NXPH1: variants seen among roughly 807,000 people sequenced by gnomAD.
NXPH1 encodes neurexophilin 1.
Under a neutral mutation model 23.7 loss-of-function variants are expected in NXPH1, and 5 were observed. That is an observed-to-expected ratio of 0.21 (90% confidence interval 0.11 to 0.44). The LOEUF (loss-of-function observed/expected upper bound fraction) is 0.44. Ranked by LOEUF, NXPH1 falls within the 20% of genes least tolerant of loss-of-function variation. NXPH1 has a pLI of 0.99. For synonymous variants in NXPH1, 144 were observed against 122.2 expected (o/e 1.18, Z -1.18); for missense variants, 324 against 321.6 (o/e 1.01, Z -0.06).
At chr7:8,545,416 A>T (rs1419559467) in intron 2 of NXPH1, among the ~76,000 whole-genome samples, 1 of 151,546 alleles carries the variant, frequency 6.6e-6, no homozygotes, top group Admixed American at 6.6e-5. Context: ...AGTATTAGAA[A>T]AATGCCTCAA....
chr7:8,580,969 T>TC (rs1271055674), intron 2 of NXPH1, among the ~76,000 whole-genome samples: 4 of 152,136 alleles, frequency 2.6e-5, no homozygotes, highest in African/African-American at 9.7e-5. Context: ...CTCTAGTGTT[T>TC]CTGAATGAGT....
At chr7:8,552,301 G>C (rs142254102) in intron 2 of NXPH1, among the ~76,000 whole-genome samples, 1 of 151,408 alleles carries the variant, frequency 6.6e-6, no homozygotes, top group African/African-American at 2.4e-5. Flanking sequence ...AAAAATTATA[G>C]AGGCCTGATG....
intron 2 of NXPH1, among the ~76,000 whole-genome samples, chr7:8,750,446 C>T (rs1051426972): frequency 5.3e-5 from 8 of 152,152 alleles, no homozygotes; most frequent in Non-Finnish European, 7.4e-5. Context: ...TCCCTCCCCT[C>T]ACCTCTCCAC....
chr7:8,484,896 T>C (rs1817132521), intron 2 of NXPH1, among the ~76,000 whole-genome samples: 1 of 152,212 alleles, frequency 6.6e-6, no homozygotes, highest in Non-Finnish European at 1.5e-5. Context: ...TTGCAAAATA[T>C]GTAAGCTTCT....
At chr7:8,716,380 G>A (rs1254919756) in intron 2 of NXPH1, among the ~76,000 whole-genome samples, 1 of 152,144 alleles carries the variant, frequency 6.6e-6, no homozygotes, top group Non-Finnish European at 1.5e-5. Context: ...TGGACCATGG[G>A]ATTAGGATTA....
At chr7:8,646,613 A>C (rs1820403438) in intron 2 of NXPH1, among the ~76,000 whole-genome samples, 1 of 152,016 alleles carries the variant, frequency 6.6e-6, no homozygotes, top group Non-Finnish European at 1.5e-5. Flanking sequence ...ATTCTCTTCT[A>C]TTCCTAGTTT....
At chr7:8,449,834 C>CT (rs1325074601) in intron 2 of NXPH1, among the ~76,000 whole-genome samples, 6 of 152,328 alleles carry the variant, frequency 3.9e-5, no homozygotes, top group African/African-American at 1.4e-4. Context: ...GCTGTTGGCA[C>CT]TACTGTAGTT....
chr7:8,685,831 A>T (rs1174849089), intron 2 of NXPH1, among the ~76,000 whole-genome samples: 1 of 151,852 alleles, frequency 6.6e-6, no homozygotes, highest in Non-Finnish European at 1.5e-5. Context: ...TAAAAAAAAA[A>T]TAGAAAGAAT....
At chr7:8,683,305 C>T (rs901494181) in intron 2 of NXPH1, among the ~76,000 whole-genome samples, 9 of 152,178 alleles carry the variant, frequency 5.9e-5, no homozygotes, top group African/African-American at 1.9e-4. Flanking sequence ...GGCCTCACTT[C>T]CAACATTGGA....
At chr7:8,546,178 C>T (rs1478428917) in intron 2 of NXPH1, among the ~76,000 whole-genome samples, 2 of 151,386 alleles carry the variant, frequency 1.3e-5, no homozygotes, top group Non-Finnish European at 3.0e-5. Context: ...AGGAGATTGA[C>T]ATGTTAAAGA....
At chr7:8,607,568 C>A (rs1415276985) in intron 2 of NXPH1, among the ~76,000 whole-genome samples, 13 of 152,160 alleles carry the variant, frequency 8.5e-5, no homozygotes, top group Admixed American at 8.5e-4. Flanking sequence ...CTCAGGTTAA[C>A]TCTGGCAAAT....
intron 2 of NXPH1, among the ~76,000 whole-genome samples, chr7:8,748,509 G>GGCTGGTCC (rs2115234302): frequency 6.6e-6 from 1 of 152,334 alleles, no homozygotes; most frequent in East Asian, 1.9e-4. Flanking sequence ...GCATACACGA[G>GGCTGGTCC]GCTGGTCCGT....
chr7:8,747,767 GCA>G (rs113706004), intron 2 of NXPH1, among the ~76,000 whole-genome samples: 5 of 150,368 alleles, frequency 3.3e-5, no homozygotes, highest in African/African-American at 4.9e-5. Context: ...TTTTATTCAC[GCA>G]CACACACACA....
chr7:8,659,361 G>T (rs1241929460), intron 2 of NXPH1, among the ~76,000 whole-genome samples: 1 of 152,126 alleles, frequency 6.6e-6, no homozygotes, highest in Admixed American at 6.5e-5. Flanking sequence ...TTTAATCAAG[G>T]CTTTTAGCTT....
At chr7:8,557,331 G>A (rs187535983) in intron 2 of NXPH1, among the ~76,000 whole-genome samples, 69 of 151,764 alleles carry the variant, frequency 4.5e-4, no homozygotes, top group African/African-American at 1.5e-3. Context: ...TCTTCCTAAG[G>A]CAGGCTCAAT....
At chr7:8,567,892 T>C (rs1818574005) in intron 2 of NXPH1, among the ~76,000 whole-genome samples, 2 of 151,882 alleles carry the variant, frequency 1.3e-5, no homozygotes, top group African/African-American at 4.8e-5. Flanking sequence ...AACAGAATCA[T>C]AGGCAGTCTG....
chr7:8,458,378 G>A (rs931265906), intron 2 of NXPH1, among the ~76,000 whole-genome samples: 1 of 152,200 alleles, frequency 6.6e-6, no homozygotes, highest in Non-Finnish European at 1.5e-5. Flanking sequence ...CACATTGATA[G>A]AGAAAACATT....
At position 8,648,982 on chromosome 7, in the gene NXPH1, A is replaced by G. The variant is rs529536762; in HGVS notation, c.55-102026A>G. On this transcript the variant is annotated intron_variant, in intron 2 of 2. Transcript: ENST00000405863. ...TTCCAATGTAATCATTTTTGCCTTA[A>G]AAATCTGCTTTTTTTTTTTAAGATT... 2.1e-3 allele frequency among the ~76,000 whole-genome samples: 181 copies of G among 85,566 alleles called. 1 individual carries two copies. The highest frequency in any genetic ancestry group is 6.0e-3 in the African/African-American group (176 of 29,246). 56.1% of individuals were successfully genotyped at this position (85,566 alleles called of 152,430 possible).
chr7:8,468,342 A>T (rs1374166444), intron 2 of NXPH1, among the ~76,000 whole-genome samples: 1 of 152,138 alleles, frequency 6.6e-6, no homozygotes, highest in Non-Finnish European at 1.5e-5. Context: ...ATTTAAACCC[A>T]GTTCAGAAAT....
Sources: gnomAD v4.1 joint callset for allele counts (sites outside exome capture counted in the v4.1 genomes callset) on GRCh38, gnomAD v4.1.1 for gene constraint, MANE v1.5 for transcripts, NCBI Gene and HGNC (gene_info 2026-07-23, HGNC 2026-07-21) for gene names.